ADGB: variants seen among roughly 807,000 people sequenced by gnomAD.
ADGB encodes androglobin.
A neutral mutation model predicts 210.5 loss-of-function variants in ADGB; 172 were observed. The ratio of observed to expected loss-of-function variants is 0.82; its 90% confidence interval spans 0.72 to 0.93. ADGB has a LOEUF of 0.93. Ranked by LOEUF, ADGB falls within the 40% of genes least tolerant of loss-of-function variation. The probability of loss-of-function intolerance (pLI) is 0.00; values close to 1 mark genes in which losing one functional copy is unlikely to be tolerated. For synonymous variants in ADGB, 658 were observed against 662.7 expected (o/e 0.99, Z 0.11); for missense variants, 2,025 against 1,964.8 (o/e 1.03, Z -0.58).
chr6:146,746,946 C>T (rs1374461730), intron 26 of ADGB, among the ~76,000 whole-genome samples: 1 of 152,164 alleles, frequency 6.6e-6, no homozygotes, highest in East Asian at 1.9e-4. Flanking sequence ...AAAATCATCA[C>T]CTTTAATGAT....
chr6:146,711,267 G>A (rs1390356534), intron 13 of ADGB, among the ~76,000 whole-genome samples: 1 of 152,098 alleles, frequency 6.6e-6, no homozygotes, highest in Admixed American at 6.6e-5. Flanking sequence ...GGAAGCATTA[G>A]TAGGTCTTTC....
At chr6:146,746,254 G>A (rs1777235503) in intron 26 of ADGB, 145 bp downstream of exon 26, 2 of 615,006 alleles carry the variant, frequency 3.3e-6, no homozygotes, top group Non-Finnish European at 5.4e-6. Context: ...TGAGTGTGAT[G>A]TGATTATGTG....
chr6:146,617,820 T>C (rs1780826653), intron 1 of ADGB, among the ~76,000 whole-genome samples: 2 of 152,128 alleles, frequency 1.3e-5, no homozygotes, highest in Admixed American at 1.3e-4. Flanking sequence ...ATTTTTTAAA[T>C]GTGCTGTTGA....
chr6:146,648,189 AATCT>A (rs1283991709), intron 3 of ADGB, among the ~76,000 whole-genome samples: 1 of 152,044 alleles, frequency 6.6e-6, no homozygotes, highest in Non-Finnish European at 1.5e-5. Context: ...TATTTATATA[AATCT>A]ATCTCTCTTT....
In ADGB at chr6:146,788,684, C is replaced by T. The variant is rs550766744; in HGVS notation, c.4537+74C>T. ...ATTATGGAAAAGATTTTAACTTAAA[C>T]ATCAGTGACGGCTAGGGCTATAGAA... On this transcript the variant is annotated intron_variant, in intron 33 of 35. Coordinates refer to ENST00000397944, the MANE Select transcript of ADGB (RefSeq NM_024694.4). 3.4e-5 allele frequency: 45 copies of T among 1,339,126 alleles called. No homozygotes were observed. The African/African-American group carries it at 5.5e-4, about 16-fold the overall frequency. The allele number at this position is 1,339,126 out of a possible 1,614,324, so 83.0% of individuals were successfully genotyped here. A position where few individuals can be genotyped will look rare whatever the true frequency, so the allele number is the denominator to read the frequency against.
In ADGB at chr6:146,815,129, C is replaced by T. The variant is rs1384183278; in HGVS notation, c.4916C>T (p.Ala1639Val). The change falls in exon 36 of 36, where the codon GCT becomes GTT. Residue 1639 changes from alanine to valine, a missense_variant. Coordinates refer to ENST00000397944, the MANE Select transcript of ADGB (RefSeq NM_024694.4). ...GAGCACCTAAAGCTGGAAACTCTGG[C>T]TGCTCAGGAAGCAGCCATGAAGCTG... ...EAEHLKLETL[A>V]AQEAAMKLET... 6.5e-7 allele frequency: 1 copy of T among 1,548,084 alleles called. No homozygotes were observed. The highest frequency in any genetic ancestry group is 2.0e-5 in the Admixed American group (1 of 49,760).
intron 33 of ADGB, among the ~76,000 whole-genome samples, chr6:146,794,022 T>C (rs1777995309): frequency 6.6e-6 from 1 of 152,190 alleles, no homozygotes; most frequent in Admixed American, 6.5e-5. Flanking sequence ...AAACTGGCTA[T>C]TCCGGTTCCT....
chr6:146,799,800 TTTGTTG>T (rs966263828), intron 33 of ADGB, among the ~76,000 whole-genome samples: 2 of 151,692 alleles, frequency 1.3e-5, no homozygotes, highest in East Asian at 1.9e-4. Flanking sequence ...AACTGTTTCT[TTTGTTG>T]TTGTTGTTGT....
intron 20 of ADGB, 77 bp from the exon 21 acceptor site, chr6:146,733,043 G>T (rs1777018740): frequency 9.3e-7 from 1 of 1,074,934 alleles, no homozygotes; most frequent in South Asian, 2.6e-5. Flanking sequence ...TATTTTTAGA[G>T]TATCTAAAAA....
At chr6:146,734,207 A>G (rs527360239) in intron 22 of ADGB, among the ~76,000 whole-genome samples, 177 bp downstream of exon 22, 2 of 152,350 alleles carry the variant, frequency 1.3e-5, no homozygotes, top group South Asian at 4.1e-4. Flanking sequence ...TCTTGTTCCC[A>G]GGATTGGCAC....
At chr6:146,722,996 C>A (rs1776843298) in intron 17 of ADGB, among the ~76,000 whole-genome samples, 1 of 152,164 alleles carries the variant, frequency 6.6e-6, no homozygotes, top group African/African-American at 2.4e-5. Flanking sequence ...TGTAAATGTA[C>A]AATAAGTATT....
At position 146,721,053 on chromosome 6, in the gene ADGB, T is replaced by G. The variant is rs1002312006; in HGVS notation, c.1993-350T>G. On this transcript the variant is annotated intron_variant, in intron 16 of 35. Coordinates refer to ENST00000397944, the MANE Select transcript of ADGB (RefSeq NM_024694.4). ...TCTTACTCTATGGCCTTCCTGCCCA[T>G]CAAAGACCCATGCTTGAGTACTACT... 3.9e-5 allele frequency among the ~76,000 whole-genome samples: 6 copies of G among 152,286 alleles called. No homozygotes were observed. The Middle Eastern group carries it at 0.014, about 345-fold the overall frequency.
intron 1 of ADGB, among the ~76,000 whole-genome samples, chr6:146,623,637 A>T (rs1020901040): frequency 6.6e-6 from 1 of 151,908 alleles, no homozygotes; most frequent in African/African-American, 2.4e-5. Context: ...TCATCTGCAA[A>T]TGAGAATGTA....
chr6:146,769,022 T>C lies in ADGB; in HGVS notation c.3753T>C (p.Asn1251=), dbSNP rs1248551235. The stretch of plus-strand genomic sequence containing the variant: ...AAACACTGCATTTTATTTCACAGAA[T>C]TACAAGTATATTATACAGTGTTCGG... ...REDSSSTPLQ[N]YKYIIQCSVL... Residue 1251 remains asparagine (N), a splice_region_variant and synonymous_variant, in exon 29 of 36, where the codon AAT becomes AAC. Transcript: ENST00000397944. The C allele has an allele frequency of 1.4e-6, 2 of 1,455,954 alleles. No homozygotes were observed. Among genetic ancestry groups the C allele is most frequent in the East Asian group, 5.0e-5 (2 of 40,114 alleles). The allele number at this position is 1,455,954 out of a possible 1,614,324, so 90.2% of individuals were successfully genotyped here. A position where few individuals can be genotyped will look rare whatever the true frequency, so the allele number is the denominator to read the frequency against.
chr6:146,803,482 T>C, intron 35 of ADGB: 1 of 1,604,742 alleles, frequency 6.2e-7, no homozygotes. Flanking sequence ...AAAGGGATGA[T>C]GAACTTTCTT....
At chr6:146,733,691 T>C (rs1350453753) in intron 21 of ADGB, among the ~76,000 whole-genome samples, 1 of 152,200 alleles carries the variant, frequency 6.6e-6, no homozygotes, top group African/African-American at 2.4e-5. Flanking sequence ...TTCACCAATA[T>C]GTCCCTATTT....
intron 1 of ADGB, among the ~76,000 whole-genome samples, chr6:146,616,387 G>A (rs1397021015): frequency 4.0e-5 from 6 of 151,522 alleles, no homozygotes; most frequent in African/African-American, 1.5e-4. Flanking sequence ...TGTTTACTCT[G>A]TTAATGTTTT....
At chr6:146,788,145 A>G (rs1777904375) in intron 32 of ADGB, among the ~76,000 whole-genome samples, 1 of 152,090 alleles carries the variant, frequency 6.6e-6, no homozygotes, top group Non-Finnish European at 1.5e-5. Context: ...TGCTGTCCCA[A>G]CTTCTAAAAG....
chr6:146,605,971 C>T (rs1780624553), intron 1 of ADGB, among the ~76,000 whole-genome samples: 1 of 152,050 alleles, frequency 6.6e-6, no homozygotes, highest in African/African-American at 2.4e-5. Context: ...AATGGTGGTC[C>T]TGTTTTAAGT....
Sources: allele counts gnomAD v4.1 joint callset (sites outside exome capture counted in the v4.1 genomes callset), GRCh38; gene constraint gnomAD v4.1.1; transcripts MANE v1.5; gene names NCBI Gene and HGNC (gene_info 2026-07-23, HGNC 2026-07-21).